The following RBFOX1 variants were observed in gnomAD, a reference collection of about 807,000 sequenced individuals.
RBFOX1 encodes the protein RNA binding protein fox-1 homolog 1.
RBFOX1 carries 8 observed loss-of-function variants against 57.7 expected under a neutral mutation model. That is an observed-to-expected ratio of 0.14 (90% CI 0.08 to 0.25). RBFOX1 has a LOEUF of 0.25. Ranked by LOEUF, RBFOX1 falls within the 10% of genes least tolerant of loss-of-function variation. The pLI is 1.00. For synonymous variants in RBFOX1, 326 were observed against 222.4 expected (o/e 1.47, Z -4.15); for missense variants, 611 against 548.5 (o/e 1.11, Z -1.14).
intron 3 of RBFOX1, among the ~76,000 whole-genome samples, chr16:6,884,578 C>A (rs2063592199): frequency 6.6e-6 from 1 of 152,028 alleles, no homozygotes; most frequent in Non-Finnish European, 1.5e-5. Flanking sequence ...TTTTATTACC[C>A]CCATTTTGAA....
chr16:5,360,042 T>A (rs1244011375), intron 1 of RBFOX1, among the ~76,000 whole-genome samples: 1 of 152,254 alleles, frequency 6.6e-6, no homozygotes, highest in Non-Finnish European at 1.5e-5. Context: ...GAGCATTTGC[T>A]TGTTCAGAGA....
intron 3 of RBFOX1, among the ~76,000 whole-genome samples, chr16:6,733,473 T>A (rs1051486283): frequency 1.3e-5 from 2 of 152,224 alleles, no homozygotes; most frequent in African/African-American, 4.8e-5. Flanking sequence ...TGGTGGCTTT[T>A]ATAAGGGCAA....
intron 1 of RBFOX1, among the ~76,000 whole-genome samples, chr16:6,299,745 G>C (rs1004718187): frequency 1.7e-4 from 26 of 152,200 alleles, no homozygotes; most frequent in Non-Finnish European, 2.9e-4. Flanking sequence ...TCTGGCGTCT[G>C]CTGGGTCTCA....
At chr16:7,696,219 T>TTTTGG (rs2078755478) in intron 14 of RBFOX1, among the ~76,000 whole-genome samples, 1 of 152,206 alleles carries the variant, frequency 6.6e-6, no homozygotes, top group Non-Finnish European at 1.5e-5. Context: ...TGTTGTTTTG[T>TTTTGG]TTTGGTTTTT....
At chr16:6,118,470 C>G (rs2096521497) in intron 1 of RBFOX1, among the ~76,000 whole-genome samples, 1 of 152,148 alleles carries the variant, frequency 6.6e-6, no homozygotes, top group Non-Finnish European at 1.5e-5. Flanking sequence ...GTTGCCATGT[C>G]ATCACACGGT....
At chr16:7,570,083 A>G (rs929004271) in intron 5 of RBFOX1, among the ~76,000 whole-genome samples, 2 of 152,224 alleles carry the variant, frequency 1.3e-5, no homozygotes, top group Non-Finnish European at 2.9e-5. Flanking sequence ...AGAAAAGAAT[A>G]TAAAATATCT....
chr16:5,371,070 C>T (rs1291672386), intron 1 of RBFOX1, among the ~76,000 whole-genome samples: 1 of 152,230 alleles, frequency 6.6e-6, no homozygotes, highest in African/African-American at 2.4e-5. Flanking sequence ...GCCTTAGCCT[C>T]CCAAGTAGCT....
chr16:6,044,563 T>A (rs2095476008), intron 1 of RBFOX1, among the ~76,000 whole-genome samples: 1 of 152,126 alleles, frequency 6.6e-6, no homozygotes, highest in South Asian at 2.1e-4. Flanking sequence ...TTTCAAAACA[T>A]TGGCATTCCA....
intron 4 of RBFOX1, among the ~76,000 whole-genome samples, chr16:7,301,740 C>G (rs1288009253): frequency 6.6e-6 from 1 of 151,376 alleles, no homozygotes; most frequent in Non-Finnish European, 1.5e-5. Context: ...CTAATGCCAG[C>G]AAGAGAAAAA....
At chr16:6,852,266 C>G (rs8052372) in intron 3 of RBFOX1, among the ~76,000 whole-genome samples, 43,679 of 152,000 alleles carry the variant, frequency 0.29, 6,481 homozygotes, top group East Asian at 0.38. Context: ...CCTCTGTGTT[C>G]TTGCTGTCTT....
At chr16:5,801,393 C>T (rs377295057) in intron 3 of RBFOX1, among the ~76,000 whole-genome samples, 1 of 144,322 alleles carries the variant, frequency 6.9e-6, no homozygotes. Flanking sequence ...TGCATTAAAA[C>T]AGCTGGAAAA....
intron 2 of RBFOX1, among the ~76,000 whole-genome samples, chr16:6,379,522 A>G (rs565719674): frequency 4.7e-4 from 71 of 152,244 alleles, no homozygotes; most frequent in African/African-American, 1.6e-3. Context: ...CCACTGAAAA[A>G]AACTGAGTAT....
At chr16:6,768,209 A>G (rs2077687644) in intron 3 of RBFOX1, among the ~76,000 whole-genome samples, 1 of 152,036 alleles carries the variant, frequency 6.6e-6, no homozygotes, top group South Asian at 2.1e-4. Context: ...AAAACAAAAC[A>G]AGACCGAAAA....
chr16:7,329,901 C>G (rs967841428), intron 4 of RBFOX1, among the ~76,000 whole-genome samples: 1 of 152,118 alleles, frequency 6.6e-6, no homozygotes, highest in Non-Finnish European at 1.5e-5. Context: ...CTAAAATCAG[C>G]AGATTCTTTT....
At chr16:5,590,920 C>T (rs983530176) in intron 2 of RBFOX1, among the ~76,000 whole-genome samples, 1 of 152,092 alleles carries the variant, frequency 6.6e-6, no homozygotes, top group Non-Finnish European at 1.5e-5. Context: ...TAAGGTATTA[C>T]CCCAATGCCA....
chr16:6,479,313 T>C (rs2095332867), intron 2 of RBFOX1, among the ~76,000 whole-genome samples: 1 of 152,162 alleles, frequency 6.6e-6, no homozygotes, highest in African/African-American at 2.4e-5. Context: ...GCCAGAAAGA[T>C]CAGGGAACTG....
At chr16:6,382,659 A>C (rs2091922021) in intron 2 of RBFOX1, among the ~76,000 whole-genome samples, 1 of 152,192 alleles carries the variant, frequency 6.6e-6, no homozygotes, top group Admixed American at 6.5e-5. Flanking sequence ...TAGGAGTTCT[A>C]GAGCAGCCTG....
intron 1 of RBFOX1, among the ~76,000 whole-genome samples, chr16:6,179,469 C>G (rs2097044934): frequency 1.3e-5 from 2 of 152,112 alleles, no homozygotes; most frequent in Non-Finnish European, 2.9e-5. Flanking sequence ...CTCTCTGATG[C>G]CTTGAACATA....
intron 3 of RBFOX1, among the ~76,000 whole-genome samples, chr16:6,960,260 G>C (rs917822770): frequency 2.6e-5 from 4 of 152,174 alleles, no homozygotes; most frequent in African/African-American, 9.7e-5. Flanking sequence ...TGAGGCTGCA[G>C]AGGAAGGTCT....
Sources: gnomAD v4.1 joint callset for allele counts (sites outside exome capture counted in the v4.1 genomes callset) on GRCh38, gnomAD v4.1.1 for gene constraint, MANE v1.5 for transcripts, NCBI Gene and HGNC (gene_info 2026-07-23, HGNC 2026-07-21) for gene names.